FGF14: variants seen among roughly 807,000 people sequenced by gnomAD.
FGF14 encodes the protein fibroblast growth factor 14, also known as fibroblast growth factor homologous factor 4.
In FGF14, 5 loss-of-function variants were observed where a neutral mutation model predicts 25.5. The observed-to-expected ratio is 0.20, with a 90% confidence interval of 0.10 to 0.41. The LOEUF is 0.41. FGF14 is among the 10% of genes least tolerant of loss of function. The pLI is 1.00. For missense variants in FGF14, 222 were observed against 320.1 expected (o/e 0.69, Z 2.34); for synonymous variants, 138 against 118.3 (o/e 1.17, Z -1.08).
At chr13:101,850,631 A>C (rs2043793553) in intron 3 of FGF14, among the ~76,000 whole-genome samples, 1 of 141,734 alleles carries the variant, frequency 7.1e-6, no homozygotes, top group African/African-American at 2.6e-5. Flanking sequence ...CTATATATAT[A>C]GAAATGGATA....
intron 1 of FGF14, among the ~76,000 whole-genome samples, chr13:102,019,044 C>T (rs2040495871): frequency 6.6e-6 from 1 of 152,126 alleles, no homozygotes; most frequent in Non-Finnish European, 1.5e-5. Context: ...TACCAATCAC[C>T]AAGTTTCAAC....
At chr13:102,230,992 G>C (rs911566595) in intron 1 of FGF14, among the ~76,000 whole-genome samples, 23 of 152,268 alleles carry the variant, frequency 1.5e-4, no homozygotes, top group Admixed American at 1.2e-3. Context: ...GTAGTAAGTG[G>C]AGAAGATGGA....
intron 3 of FGF14, among the ~76,000 whole-genome samples, chr13:101,758,702 G>A (rs1361504024): frequency 2.6e-5 from 4 of 152,132 alleles, no homozygotes; most frequent in Middle Eastern, 3.4e-3. Context: ...GCAACAAATC[G>A]AAAAAGTCCA....
At chr13:102,375,639 CT>C in intron 1 of FGF14, among the ~76,000 whole-genome samples, 1 of 152,176 alleles carries the variant, frequency 6.6e-6, no homozygotes, top group African/African-American at 2.4e-5. Context: ...ACTTTAGTTC[CT>C]ATTTTAGGTT....
intron 1 of FGF14, among the ~76,000 whole-genome samples, chr13:102,356,083 T>A (rs1481964756): frequency 6.6e-6 from 1 of 152,226 alleles, no homozygotes; most frequent in Non-Finnish European, 1.5e-5. Context: ...ATAGTTTCAC[T>A]ACCTAACATT....
intron 1 of FGF14, among the ~76,000 whole-genome samples, chr13:102,326,697 A>G (rs1266848585): frequency 1.6e-4 from 6 of 36,810 alleles, no homozygotes; most frequent in African/African-American, 3.2e-4. Context: ...AGGGAAGGGA[A>G]GGAAGGAAGG....
chr13:102,075,851 T>C (rs1216568168), intron 1 of FGF14, among the ~76,000 whole-genome samples: 1 of 152,214 alleles, frequency 6.6e-6, no homozygotes, highest in African/African-American at 2.4e-5. Context: ...CCTAGGCTAA[T>C]ATGTTTCCAT....
At chr13:101,810,179 A>G (rs577992868) in intron 3 of FGF14, among the ~76,000 whole-genome samples, 1 of 152,324 alleles carries the variant, frequency 6.6e-6, no homozygotes, top group East Asian at 1.9e-4. Flanking sequence ...GGCCATGTTC[A>G]TTAAGCCATA....
At chr13:101,985,080 G>GTT (rs71125040) in intron 1 of FGF14, among the ~76,000 whole-genome samples, 1 of 134,812 alleles carries the variant, frequency 7.4e-6, no homozygotes, top group South Asian at 2.3e-4. Flanking sequence ...TTTTTTTTTT[G>GTT]TTTTTTTTTT....
intron 1 of FGF14, among the ~76,000 whole-genome samples, chr13:102,240,251 G>T (rs907305391): frequency 1.4e-4 from 21 of 152,078 alleles, no homozygotes; most frequent in African/African-American, 5.1e-4. Flanking sequence ...TCTATATATA[G>T]CGATCTTAAT....
At chr13:101,887,229 G>T (rs985140210) in intron 1 of FGF14, among the ~76,000 whole-genome samples, 6 of 151,810 alleles carry the variant, frequency 4.0e-5, no homozygotes, top group Non-Finnish European at 7.4e-5. Context: ...CATGTTTGTT[G>T]TATCACTCTT....
chr13:102,362,755 G>A (rs2057602602), intron 1 of FGF14, among the ~76,000 whole-genome samples: 1 of 151,806 alleles, frequency 6.6e-6, no homozygotes, highest in Non-Finnish European at 1.5e-5. Context: ...GCCAAAAGAA[G>A]AAAGAAAAGA....
In FGF14 at chr13:101,960,255, T is replaced by C. The variant is rs540378445; in HGVS notation, c.209-84959A>G. ...GGGCAGTGTGCGCATGTTTGTTACATAGGTAAACATGTCCTATGGTGGTTT... is the reference window on the plus strand; with the variant it reads ...GGGCAGTGTGCGCATGTTTGTTACACAGGTAAACATGTCCTATGGTGGTTT... On this transcript the variant is annotated intron_variant, in intron 1 of 4. Coordinates refer to the FGF14 transcript ENST00000376131. Among the ~76,000 whole-genome samples the C allele has an allele frequency of 5.9e-5, 9 of 152,342 alleles. No individual in the cohort carries two copies. In the South Asian group the frequency reaches 1.7e-3, roughly 28 times the overall value.
intron 2 of FGF14, among the ~76,000 whole-genome samples, chr13:101,869,785 T>C (rs906158856): frequency 1.3e-5 from 2 of 152,232 alleles, no homozygotes; most frequent in Admixed American, 6.5e-5. Context: ...GGCTCTCAAC[T>C]GTATTGCACA....
intron 1 of FGF14, among the ~76,000 whole-genome samples, chr13:102,399,948 G>A (rs932789829): frequency 6.6e-6 from 1 of 152,154 alleles, no homozygotes; most frequent in Non-Finnish European, 1.5e-5. Context: ...CCCAGCATAG[G>A]AGCCTCTGCC....
intron 3 of FGF14, among the ~76,000 whole-genome samples, chr13:101,851,582 G>A (rs1232097179): frequency 6.6e-6 from 1 of 151,990 alleles, no homozygotes; most frequent in Non-Finnish European, 1.5e-5. Context: ...TGGATTTAAG[G>A]GAGGTTTAAA....
At chr13:101,986,230 A>G (rs1020953853) in intron 1 of FGF14, among the ~76,000 whole-genome samples, 13 of 152,144 alleles carry the variant, frequency 8.5e-5, no homozygotes, top group African/African-American at 2.7e-4. Flanking sequence ...AGGATTTTCC[A>G]TAACACCAGT....
rs1164074285 is a variant in FGF14, at chr13:101,712,905, C to T, written c.*9926G>A. 6.6e-6 allele frequency: 1 copy of T among 152,186 alleles called. No homozygotes were observed. Among genetic ancestry groups the T allele is most frequent in the Non-Finnish European group, 1.5e-5 (1 of 68,040 alleles). The allele number at this position is 152,186 out of a possible 1,614,324, so 9.4% of individuals were successfully genotyped here. A position where few individuals can be genotyped will look rare whatever the true frequency, so the allele number is the denominator to read the frequency against. ...TTGCAGACTGACCTGGGAGCAGCAGCTCACTGGGTCCTGAGAAACCACAGG... is the reference window on the plus strand; with the variant it reads ...TTGCAGACTGACCTGGGAGCAGCAGTTCACTGGGTCCTGAGAAACCACAGG... On this transcript the variant is annotated 3_prime_UTR_variant, in exon 5 of 5. Transcript: ENST00000376143.
At chr13:101,970,344 G>A (rs2037517021) in intron 1 of FGF14, among the ~76,000 whole-genome samples, 1 of 152,134 alleles carries the variant, frequency 6.6e-6, no homozygotes, top group South Asian at 2.1e-4. Context: ...ATTTTCATAT[G>A]GTTCCTTCAA....
Sources: allele counts gnomAD v4.1 joint callset (sites outside exome capture counted in the v4.1 genomes callset), GRCh38; gene constraint gnomAD v4.1.1; transcripts MANE v1.5; gene names NCBI Gene and HGNC (gene_info 2026-07-23, HGNC 2026-07-21).